Variants in KCNH5 observed in about 807,000 individuals in gnomAD.
The protein encoded by KCNH5 is potassium voltage-gated channel subfamily H member 5.
Under a neutral mutation model 96.1 loss-of-function variants are expected in KCNH5, and 46 were observed. The observed-to-expected ratio is 0.48, with a 90% confidence interval of 0.38 to 0.61. The LOEUF (loss-of-function observed/expected upper bound fraction) is 0.61. Ranked by LOEUF, KCNH5 falls within the 20% of genes least tolerant of loss-of-function variation. KCNH5 has a pLI of 0.00. For missense variants in KCNH5, 907 were observed against 1,225.8 expected (o/e 0.74, Z 3.88); for synonymous variants, 439 against 449.8 (o/e 0.98, Z 0.30).
intron 6 of KCNH5, among the ~76,000 whole-genome samples, chr14:62,953,209 T>C (rs1439694239): frequency 6.6e-6 from 1 of 151,980 alleles, no homozygotes; most frequent in Non-Finnish European, 1.5e-5. Flanking sequence ...TCAAGCATTA[T>C]AGACTCTCTC....
intron 7 of KCNH5, among the ~76,000 whole-genome samples, chr14:62,879,498 C>T (rs551109779): frequency 9.9e-5 from 15 of 152,056 alleles, no homozygotes; most frequent in African/African-American, 2.4e-4. Context: ...TTCTTTAACC[C>T]GCAAATTATT....
intron 7 of KCNH5, among the ~76,000 whole-genome samples, chr14:62,906,193 C>A (rs1006142038): frequency 6.6e-6 from 1 of 152,070 alleles, no homozygotes; most frequent in African/African-American, 2.4e-5. Context: ...GAAAGATGAG[C>A]CAAAACATGT....
intron 10 of KCNH5, among the ~76,000 whole-genome samples, chr14:62,760,843 C>T (rs967096514): frequency 3.9e-5 from 6 of 152,206 alleles, no homozygotes; most frequent in African/African-American, 1.4e-4. Flanking sequence ...TGCAGCAAGG[C>T]AGATGTTATT....
intron 7 of KCNH5, among the ~76,000 whole-genome samples, chr14:62,916,980 G>A (rs1160019066): frequency 6.6e-6 from 1 of 152,188 alleles, no homozygotes; most frequent in African/African-American, 2.4e-5. Context: ...ATTCATGTGG[G>A]AGCTAAAGAG....
intron 7 of KCNH5, among the ~76,000 whole-genome samples, chr14:62,923,440 T>C (rs980013116): frequency 2.6e-5 from 4 of 151,980 alleles, no homozygotes; most frequent in African/African-American, 9.7e-5. Flanking sequence ...AAGATTCCAA[T>C]GACATTTTTC....
intron 9 of KCNH5, among the ~76,000 whole-genome samples, chr14:62,785,926 C>T (rs545507059): frequency 2.4e-4 from 36 of 152,250 alleles, no homozygotes; most frequent in Non-Finnish European, 4.4e-4. Context: ...GGCACGGTGG[C>T]TCATGCCTGT....
At chr14:62,915,510 C>A (rs567002496) in intron 7 of KCNH5, among the ~76,000 whole-genome samples, 1 of 152,050 alleles carries the variant, frequency 6.6e-6, no homozygotes, top group Non-Finnish European at 1.5e-5. Context: ...CAAGTGAATG[C>A]AGTAAAAGTA....
intron 7 of KCNH5, among the ~76,000 whole-genome samples, chr14:62,881,234 T>C (rs908315593): frequency 6.6e-6 from 1 of 152,190 alleles, no homozygotes; most frequent in Non-Finnish European, 1.5e-5. Context: ...TAAGCAATAT[T>C]GAAGTACATA....
intron 7 of KCNH5, among the ~76,000 whole-genome samples, chr14:62,908,681 G>A (rs539738562): frequency 8.6e-5 from 13 of 151,366 alleles, no homozygotes; most frequent in African/African-American, 2.9e-4. Context: ...AATCAGGCTT[G>A]TCCTGTGTGA....
At chr14:62,948,366 G>A (rs1275235405) in intron 7 of KCNH5, among the ~76,000 whole-genome samples, 1 of 152,070 alleles carries the variant, frequency 6.6e-6, no homozygotes, top group African/African-American at 2.4e-5. Flanking sequence ...TACCATCAGA[G>A]AATACTACAA....
At chr14:62,820,884 T>C (rs1887101116) in intron 8 of KCNH5, among the ~76,000 whole-genome samples, 1 of 152,038 alleles carries the variant, frequency 6.6e-6, no homozygotes, top group Non-Finnish European at 1.5e-5. Flanking sequence ...AAATTTATAT[T>C]CTTTGGGGCA....
intron 1 of KCNH5, among the ~76,000 whole-genome samples, chr14:63,034,916 T>C (rs75712394): frequency 6.6e-6 from 1 of 152,298 alleles, no homozygotes; most frequent in East Asian, 1.9e-4. Context: ...CATGAAAAAA[T>C]GAGTTTCTAA....
At chr14:62,992,268 A>T (rs781702410) in intron 4 of KCNH5, among the ~76,000 whole-genome samples, 3 of 152,098 alleles carry the variant, frequency 2.0e-5, no homozygotes, top group Non-Finnish European at 4.4e-5. Context: ...TGCAATTGTG[A>T]ATAGTGCTGC....
intron 2 of KCNH5, among the ~76,000 whole-genome samples, chr14:63,011,732 C>A (rs1213581820): frequency 1.3e-5 from 2 of 152,154 alleles, no homozygotes; most frequent in African/African-American, 4.8e-5. Context: ...CCCTTCAACA[C>A]TTTTCATCAG....
chr14:62,912,378 C>CTTTTTTT (rs1324630274), intron 7 of KCNH5, among the ~76,000 whole-genome samples: 1 of 151,526 alleles, frequency 6.6e-6, no homozygotes, highest in East Asian at 1.9e-4. Flanking sequence ...TCTTATCTTG[C>CTTTTTTT]TTTATCATCA....
intron 6 of KCNH5, among the ~76,000 whole-genome samples, chr14:62,956,798 T>G (rs1315055056): frequency 1.3e-5 from 2 of 152,166 alleles, no homozygotes; most frequent in African/African-American, 4.8e-5. Flanking sequence ...TAGAGGTTGA[T>G]CCTCCAAAAA....
chr14:62,971,993 T>C (rs1023853442), intron 6 of KCNH5, among the ~76,000 whole-genome samples: 2 of 152,112 alleles, frequency 1.3e-5, no homozygotes, highest in African/African-American at 2.4e-5. Context: ...ATGAAAGTAA[T>C]AATTGATAAG....
At chr14:62,759,992 G>C (rs1276274457) in intron 10 of KCNH5, among the ~76,000 whole-genome samples, 1 of 152,132 alleles carries the variant, frequency 6.6e-6, no homozygotes, top group East Asian at 1.9e-4. Context: ...AGTCTTCCCA[G>C]AGTGTGATTT....
intron 9 of KCNH5, among the ~76,000 whole-genome samples, chr14:62,796,410 C>T (rs937824684): frequency 1.3e-5 from 2 of 152,154 alleles, no homozygotes; most frequent in Non-Finnish European, 2.9e-5. Flanking sequence ...TATGTTATTC[C>T]TGTCCTCATT....
Sources: allele counts gnomAD v4.1 joint callset (sites outside exome capture counted in the v4.1 genomes callset), GRCh38; gene constraint gnomAD v4.1.1; transcripts MANE v1.5; gene names NCBI Gene and HGNC (gene_info 2026-07-23, HGNC 2026-07-21).